HECTD4: variants seen among roughly 807,000 people sequenced by gnomAD.
The protein encoded by HECTD4 is HECT domain E3 ubiquitin protein ligase 4.
In HECTD4, 114 loss-of-function variants were observed where a neutral mutation model predicts 471.5. That is an observed-to-expected ratio of 0.24 (90% CI 0.21 to 0.28). The LOEUF (loss-of-function observed/expected upper bound fraction) is 0.28, where lower values mean the gene tolerates loss of function less well. Ranked by LOEUF, HECTD4 falls within the 10% of genes least tolerant of loss-of-function variation. The pLI is 1.00. For missense variants in HECTD4, 3,866 were observed against 5,651.5 expected (o/e 0.68, Z 10.13); for synonymous variants, 2,012 against 2,256.0 (o/e 0.89, Z 3.07).
rs1490710945 is a variant in HECTD4, at chr12:112,208,615, G to T, written c.7883C>A (p.Thr2628Asn). ...ATAQQQYDSD[T>N]SCHYKVELSY... The stretch of plus-strand genomic sequence containing the variant: ...GAGCTCGACTTTATAATGACAGGAG[G>T]TGTCACTATCATATTCTGTAACAGA... The change falls in exon 51 of 76, where the codon ACC becomes AAC. Residue 2628 changes from threonine to asparagine, a missense_variant. Physicochemically the swap from Thr to Asn is moderately conservative, Grantham distance 65 (BLOSUM62 0). Transcript: ENST00000682272. 6.3e-7 allele frequency: 1 copy of T among 1,595,776 alleles called. No homozygotes were observed. The highest frequency in any genetic ancestry group is 8.5e-7 in the Non-Finnish European group (1 of 1,173,212).
At chr12:112,256,618 G>T in intron 20 of HECTD4, 100 bp from the exon 21 acceptor site, 1 of 700,358 alleles carries the variant, frequency 1.4e-6, no homozygotes, top group Non-Finnish European at 2.1e-6. Context: ...CATGCAGTAT[G>T]ATAACACTGA....
intron 1 of HECTD4, among the ~76,000 whole-genome samples, chr12:112,350,105 C>T (rs780046801): frequency 2.6e-5 from 4 of 152,066 alleles, no homozygotes; most frequent in African/African-American, 7.2e-5. Context: ...CAGGCGCGCA[C>T]CACCATGCCT....
intron 1 of HECTD4, among the ~76,000 whole-genome samples, chr12:112,345,634 A>G (rs1445096182): frequency 6.6e-6 from 1 of 152,110 alleles, no homozygotes; most frequent in Admixed American, 6.6e-5. Flanking sequence ...GTAAGATGCT[A>G]TTTTAGAAAG....
chr12:112,215,502 T>C (rs989629058), intron 48 of HECTD4, among the ~76,000 whole-genome samples: 1 of 152,218 alleles, frequency 6.6e-6, no homozygotes, highest in African/African-American at 2.4e-5. Flanking sequence ...CAGATCTAGT[T>C]ATTTACATGG....
At chr12:112,189,483 C>T (rs1269425942) in intron 60 of HECTD4, among the ~76,000 whole-genome samples, 2 of 66 alleles carry the variant, frequency 0.03, no homozygotes, top group East Asian at 0.17. Flanking sequence ...ACCCGGGAGG[C>T]GGACTTGCAG....
At chr12:112,211,130 T>C (rs2032748610) in intron 49 of HECTD4, among the ~76,000 whole-genome samples, 1 of 152,128 alleles carries the variant, frequency 6.6e-6, no homozygotes, top group Non-Finnish European at 1.5e-5. Context: ...GGTGGGCGGA[T>C]CATGAGGTCA....
chr12:112,371,809 C>T (rs2036677842), intron 1 of HECTD4, among the ~76,000 whole-genome samples: 1 of 150,962 alleles, frequency 6.6e-6, no homozygotes, highest in African/African-American at 2.4e-5. Flanking sequence ...TCGCTTAAAC[C>T]CGGGAGGCGG....
chr12:112,308,790 T>G lies in HECTD4; in HGVS notation c.1127A>C (p.His376Pro), dbSNP rs930907743. 21 of 1,535,758 alleles carry G rather than the reference T, an allele frequency of 1.4e-5. No homozygotes were observed. The highest frequency in any genetic ancestry group is 2.7e-5 in the African/African-American group (2 of 72,994). The change falls in exon 6 of 76, where the codon CAC (histidine) becomes CCC (proline). Residue 376 changes from histidine (H) to proline (P), a missense_variant. This residue lies in a region of HECTD4 where 440 missense variants were observed against 636.0 expected (regional missense o/e 0.69). Coordinates refer to ENST00000682272, the MANE Select transcript of HECTD4 (RefSeq NM_001388303.1). The stretch of plus-strand genomic sequence containing the variant: ...CTGGTCAATGACCTGGAAAAGGGAG[T>G]GAGGTTTATTATCGAAAGAGACAGG... ...HRPVSFDNKP[H>P]SLFQVIDQNT...
chr12:112,190,103 T>C (rs1223339152), intron 60 of HECTD4, among the ~76,000 whole-genome samples: 1 of 152,172 alleles, frequency 6.6e-6, no homozygotes, highest in African/African-American at 2.4e-5. Context: ...AATTCAAAAA[T>C]ATAGAAAGCC....
At position 112,188,892 on chromosome 12, in the gene HECTD4, C is replaced by T. The variant is rs1174311401; in HGVS notation, c.9472+1894G>A. Among the ~76,000 whole-genome samples the T allele has an allele frequency of 2.6e-5, 4 of 152,234 alleles. No homozygotes were observed. Among genetic ancestry groups the T allele is most frequent in the South Asian group, 2.1e-4 (1 of 4,838 alleles). ...ATGCCAGAACTATTCATGTCACCTCCGTTGTCCTTGCTCTACCATTTAGCA... is the reference window on the plus strand; with the variant it reads ...ATGCCAGAACTATTCATGTCACCTCTGTTGTCCTTGCTCTACCATTTAGCA... On this transcript the variant is annotated intron_variant, in intron 60 of 75. Transcript: ENST00000682272. This position sits in a 1 kb window ranked among gnomAD's most constrained non-coding sequence, Gnocchi z 4.2.
rs2035402414 is a variant in HECTD4 at position 112,313,040 on chromosome 12, G to A, written c.893C>T (p.Thr298Ile). Residue 298 changes from threonine (T) to isoleucine (I), a missense_variant, in exon 4 of 76, where the codon ACT becomes ATT. Coordinates refer to ENST00000682272, the MANE Select transcript of HECTD4 (RefSeq NM_001388303.1). ...EDMLPAPDSN[T>I]GSSSENKDAD... The stretch of plus-strand genomic sequence containing the variant: ...ACCTTTATTTTCAGAACTGGAGCCA[G>A]TGTTGCTATCCGGCGCAGGCAACAT... The A allele has an allele frequency of 6.5e-7, 1 of 1,535,604 alleles. No homozygotes were observed. Among genetic ancestry groups the A allele is most frequent in the Non-Finnish European group, 8.7e-7 (1 of 1,146,674 alleles).
intron 16 of HECTD4, among the ~76,000 whole-genome samples, chr12:112,264,753 G>A (rs2034228910): frequency 6.6e-6 from 1 of 152,156 alleles, no homozygotes; most frequent in South Asian, 2.1e-4. Context: ...GTAATCCACG[G>A]ACTTTCATAA....
chr12:112,370,856 A>T (rs774238665), intron 1 of HECTD4, among the ~76,000 whole-genome samples: 6 of 152,162 alleles, frequency 3.9e-5, no homozygotes, highest in Non-Finnish European at 7.3e-5. Context: ...CAATTTCTGC[A>T]ATTTCTCTCC....
Position 112,175,803 on chromosome 12 carries a change from C to T in HECTD4, c.11527G>A (p.Ala3843Thr), listed in dbSNP as rs2031418623. Reference sequence around the variant, plus strand: ...CAGACGCTACGGATATCTTGCCTGGCTCGGTCAATAACAAATTTGTGAAAT... The same window carrying T: ...CAGACGCTACGGATATCTTGCCTGGTTCGGTCAATAACAAATTTGTGAAAT... ...EGFHKFVIDRARQDIRSVWRA... is the reference protein window; with the variant it reads ...EGFHKFVIDRTRQDIRSVWRA... The change falls in exon 66 of 76, where the codon GCC becomes ACC. Residue 3843 changes from alanine to threonine, a missense_variant. Transcript: ENST00000682272. 1 of 1,613,482 alleles carries T rather than the reference C, an allele frequency of 6.2e-7. No homozygotes were observed. Among genetic ancestry groups the T allele is most frequent in the Non-Finnish European group, 8.5e-7 (1 of 1,179,670 alleles).
In HECTD4 at chr12:112,302,742, C is replaced by T. The variant is rs1261271628; in HGVS notation, c.1335+3322G>A. The T allele has an allele frequency of 3.1e-5, 12 of 381,976 alleles. No individual in the cohort carries two copies. In the Admixed American group the frequency reaches 4.0e-4, roughly 13 times the overall value. 23.7% of individuals were successfully genotyped at this position (381,976 alleles called of 1,614,324 possible). The stretch of plus-strand genomic sequence containing the variant: ...TTTAATCTTCATATTAGAAGCTTTC[C>T]TCACTTTTCTAATGATCCTTGGTAG... On this transcript the variant is annotated intron_variant, in intron 7 of 75. Transcript: ENST00000682272.
At chr12:112,199,713 C>T (rs889536212) in intron 55 of HECTD4, among the ~76,000 whole-genome samples, 2 of 152,222 alleles carry the variant, frequency 1.3e-5, no homozygotes, top group African/African-American at 2.4e-5. Flanking sequence ...CCTTGAACAC[C>T]TTCTCTTCTG....
chr12:112,349,224 C>A (rs2135735003), intron 1 of HECTD4, among the ~76,000 whole-genome samples: 1 of 151,794 alleles, frequency 6.6e-6, no homozygotes, highest in South Asian at 2.1e-4. Flanking sequence ...CCCATCTGTA[C>A]TAAAAATACA....
At position 112,274,939 on chromosome 12, in the gene HECTD4, T is replaced by C; in HGVS notation, c.1709A>G (p.Tyr570Cys). Residue 570 changes from tyrosine to cysteine, a missense_variant, in exon 10 of 76, where the codon TAT (tyrosine) becomes TGT (cysteine). Coordinates refer to ENST00000682272, the MANE Select transcript of HECTD4 (RefSeq NM_001388303.1). ...SLKILASSLV[Y>C]NISDGQFTSR... ...TGTAAACTGACCATCCGAAATATTATACACCAAGCTGGAGGCTAGGACTTT... is the reference window on the plus strand; with the variant it reads ...TGTAAACTGACCATCCGAAATATTACACACCAAGCTGGAGGCTAGGACTTT... 4 of 1,548,944 alleles carry C rather than the reference T, an allele frequency of 2.6e-6. No homozygotes were observed. The highest frequency in any genetic ancestry group is 3.5e-6 in the Non-Finnish European group (4 of 1,145,546).
chr12:112,164,803 G>T (rs2030865384), intron 72 of HECTD4, among the ~76,000 whole-genome samples: 1 of 151,024 alleles, frequency 6.6e-6, no homozygotes, highest in Non-Finnish European at 1.5e-5. Context: ...TGTATTTTTA[G>T]TAGAGACTGG....
Sources: allele counts gnomAD v4.1 joint callset (sites outside exome capture counted in the v4.1 genomes callset), GRCh38; gene constraint gnomAD v4.1.1; regional missense constraint gnomAD v4.1.1; non-coding constraint Gnocchi (gnomAD v3.1); transcripts MANE v1.5; gene names NCBI Gene and HGNC (gene_info 2026-07-23, HGNC 2026-07-21).